Variants in CSMD1 observed in about 807,000 individuals in gnomAD.
The protein encoded by CSMD1 is CUB and Sushi multiple domains 1.
A neutral mutation model predicts 417.5 loss-of-function variants in CSMD1; 213 were observed. The observed-to-expected ratio is 0.51, with a 90% CI of 0.46 to 0.57. The LOEUF is 0.57. Among genes scored for constraint, CSMD1 ranks in the 20% least tolerant of loss-of-function variants. The pLI is 0.00. For missense variants in CSMD1, 6,923 were observed against 4,529.7 expected (o/e 1.53, Z -15.17); for synonymous variants, 2,862 against 1,736.8 (o/e 1.65, Z -16.11).
intron 4 of CSMD1, among the ~76,000 whole-genome samples, chr8:4,030,470 T>G (rs955839183): frequency 6.6e-5 from 10 of 152,216 alleles, no homozygotes; most frequent in Admixed American, 1.3e-4. Flanking sequence ...GAGCTTTATG[T>G]TGCCCCTTTC....
chr8:4,368,872 T>C (rs1802243143), intron 3 of CSMD1, among the ~76,000 whole-genome samples: 1 of 152,150 alleles, frequency 6.6e-6, no homozygotes, highest in Non-Finnish European at 1.5e-5. Context: ...TCTCACAGTC[T>C]ATCAATCTTA....
chr8:4,510,166 C>G (rs151335507), intron 2 of CSMD1, among the ~76,000 whole-genome samples: 2 of 152,028 alleles, frequency 1.3e-5, no homozygotes, highest in Middle Eastern at 3.4e-3. Flanking sequence ...CCATGGAAGA[C>G]GTGACTTTGC....
rs60886047 is a variant in CSMD1, at chr8:3,681,123, T to G, written c.1009+27291A>C. Among the ~76,000 whole-genome samples, 323 of 152,280 alleles carry G rather than the reference T, an allele frequency of 2.1e-3. 1 individual carries two copies. Among genetic ancestry groups the G allele is most frequent in the East Asian group, 9.6e-3 (50 of 5,186 alleles). On this transcript the variant is annotated intron_variant, in intron 7 of 69. Transcript: ENST00000635120. The stretch of plus-strand genomic sequence containing the variant: ...AACTGGAAGCATTCCCTTTGAAAAC[T>G]GGCACAAGACAGGGATGCCCTCTTT...
At chr8:3,740,977 G>A (rs1416986496) in intron 6 of CSMD1, among the ~76,000 whole-genome samples, 2 of 151,970 alleles carry the variant, frequency 1.3e-5, no homozygotes, top group Non-Finnish European at 2.9e-5. Context: ...GCACTTTGGA[G>A]GCCAAGGTGG....
chr8:4,003,710 G>A (rs946660242), intron 4 of CSMD1, among the ~76,000 whole-genome samples: 3 of 152,148 alleles, frequency 2.0e-5, no homozygotes, highest in Non-Finnish European at 4.4e-5. Context: ...TTAACACAGT[G>A]CTTCAGGCGA....
intron 10 of CSMD1, among the ~76,000 whole-genome samples, chr8:3,569,028 G>C (rs971968247): frequency 6.6e-6 from 1 of 152,098 alleles, no homozygotes; most frequent in Non-Finnish European, 1.5e-5. Flanking sequence ...TAGCTGGATT[G>C]TCAAATGTGT....
At chr8:3,317,553 GTTAAAAAATAAAAAGCC>G (rs1451806004) in intron 23 of CSMD1, among the ~76,000 whole-genome samples, 5 of 152,258 alleles carry the variant, frequency 3.3e-5, no homozygotes, top group African/African-American at 1.2e-4. Context: ...GGGGTGAATA[GTTAAAAAATAAAAAGCC>G]CAGAATGACT....
chr8:3,811,772 G>T (rs979871156), intron 5 of CSMD1, among the ~76,000 whole-genome samples: 7 of 152,110 alleles, frequency 4.6e-5, no homozygotes, highest in African/African-American at 1.7e-4. Context: ...ATAGCTGAGT[G>T]AGAGATGAGG....
intron 3 of CSMD1, among the ~76,000 whole-genome samples, chr8:4,415,856 T>TA (rs1796905872): frequency 6.6e-6 from 1 of 152,186 alleles, no homozygotes; most frequent in African/African-American, 2.4e-5. Context: ...TAAATAAACG[T>TA]AATATATACA....
intron 3 of CSMD1, among the ~76,000 whole-genome samples, chr8:4,346,002 A>G (rs1259092346): frequency 6.6e-6 from 1 of 152,186 alleles, no homozygotes; most frequent in Non-Finnish European, 1.5e-5. Flanking sequence ...AGTTCACATT[A>G]GTATAAAATA....
chr8:4,129,112 T>A (rs1802940756), intron 3 of CSMD1, among the ~76,000 whole-genome samples: 2 of 150,966 alleles, frequency 1.3e-5, no homozygotes, highest in Admixed American at 6.6e-5. Flanking sequence ...AAAAACAGAA[T>A]TTTTATTGTT....
At chr8:3,477,080 C>G (rs1817474594) in intron 11 of CSMD1, among the ~76,000 whole-genome samples, 1 of 152,152 alleles carries the variant, frequency 6.6e-6, no homozygotes, top group Non-Finnish European at 1.5e-5. Context: ...AGTCATAGAT[C>G]TGTACACACA....
intron 11 of CSMD1, among the ~76,000 whole-genome samples, chr8:3,492,062 C>T (rs1031469102): frequency 6.6e-6 from 1 of 152,184 alleles, no homozygotes; most frequent in Non-Finnish European, 1.5e-5. Flanking sequence ...TGAAGGAGAA[C>T]TTGTGAGTCA....
intron 4 of CSMD1, among the ~76,000 whole-genome samples, chr8:4,009,804 C>G (rs185043753): frequency 8.5e-5 from 13 of 152,054 alleles, no homozygotes; most frequent in African/African-American, 3.1e-4. Flanking sequence ...TGCTCCATCC[C>G]CCTCCCTCCT....
At chr8:4,300,451 G>A (rs1188959054) in intron 3 of CSMD1, among the ~76,000 whole-genome samples, 1 of 152,212 alleles carries the variant, frequency 6.6e-6, no homozygotes, top group Non-Finnish European at 1.5e-5. Flanking sequence ...CTAAAGAACT[G>A]AGTGTCCTTG....
Position 3,795,393 on chromosome 8 carries a change from G to C in CSMD1, c.819-41351C>G, listed in dbSNP as rs1481483847. On this transcript the variant is annotated intron_variant, in intron 5 of 69. Transcript: ENST00000635120. ...TAGATATATATCATGTATAGATATAGATATCTATCATAGATATAGATATAT... is the reference window on the plus strand; with the variant it reads ...TAGATATATATCATGTATAGATATACATATCTATCATAGATATAGATATAT... Among the ~76,000 whole-genome samples, 5 of 42,178 alleles carry C rather than the reference G, an allele frequency of 1.2e-4. 2 individuals carry two copies. Among genetic ancestry groups the C allele is most frequent in the Non-Finnish European group, 1.4e-4 (3 of 21,230 alleles). 27.7% of individuals were successfully genotyped at this position (42,178 alleles called of 152,430 possible). A position where few individuals can be genotyped will look rare whatever the true frequency, so the allele number is the denominator to read the frequency against.
chr8:3,940,834 C>A (rs1260422544), intron 5 of CSMD1, among the ~76,000 whole-genome samples: 1 of 150,750 alleles, frequency 6.6e-6, no homozygotes, highest in African/African-American at 2.4e-5. Context: ...ACAACTTAAC[C>A]CAAGAAGTTT....
At chr8:3,794,799 A>G (rs2129069165) in intron 5 of CSMD1, among the ~76,000 whole-genome samples, 1 of 152,092 alleles carries the variant, frequency 6.6e-6, no homozygotes, top group South Asian at 2.1e-4. Context: ...GTGACAACCA[A>G]CTTGTCAATA....
intron 7 of CSMD1, among the ~76,000 whole-genome samples, chr8:3,662,833 T>C (rs1346241109): frequency 6.6e-6 from 1 of 151,544 alleles, no homozygotes; most frequent in African/African-American, 2.4e-5. Flanking sequence ...CACCAGGGCC[T>C]GTCGGTGGGT....
Sources: allele counts gnomAD v4.1 joint callset (sites outside exome capture counted in the v4.1 genomes callset), GRCh38; gene constraint gnomAD v4.1.1; transcripts MANE v1.5; gene names NCBI Gene and HGNC (gene_info 2026-07-23, HGNC 2026-07-21).